The following DGKB variants were observed in gnomAD, a reference collection of about 807,000 sequenced individuals.
DGKB encodes diacylglycerol kinase beta.
DGKB carries 67 observed loss-of-function variants against 114.3 expected under a neutral mutation model. The ratio of observed to expected loss-of-function variants is 0.59; its 90% CI spans 0.48 to 0.72. The LOEUF is 0.72. Ranked by LOEUF, DGKB falls within the 30% of genes least tolerant of loss-of-function variation. The pLI is 0.00. For synonymous variants in DGKB, 398 were observed against 323.1 expected (o/e 1.23, Z -2.49); for missense variants, 907 against 975.2 (o/e 0.93, Z 0.93).
intron 23 of DGKB, among the ~76,000 whole-genome samples, chr7:14,330,938 T>C (rs1585170533): frequency 6.6e-6 from 1 of 151,984 alleles, no homozygotes; most frequent in East Asian, 1.9e-4. Context: ...ATTTTAGAAA[T>C]ATGCCTTATA....
chr7:14,551,324 T>G (rs1795070035), intron 20 of DGKB, among the ~76,000 whole-genome samples: 1 of 152,222 alleles, frequency 6.6e-6, no homozygotes, highest in South Asian at 2.1e-4. Flanking sequence ...GAAGAACTAA[T>G]GTGGATAAGG....
At position 14,689,199 on chromosome 7, in the gene DGKB, A is replaced by ATTTTTTTTTTTTTTTTTTTTTTT. The variant is rs551618345; in HGVS notation, c.712-3860_712-3838dup. On this transcript the variant is annotated intron_variant, in intron 9 of 25. Transcript: ENST00000402815. The stretch of plus-strand genomic sequence containing the variant: ...TGACAATGTGACAGAAACTCCTCTT[A>ATTTTTTTTTTTTTTTTTTTTTTT]TTTTTTTTTTTTTTTTTTTTTTTTT... Among the ~76,000 whole-genome samples the ATTTTTTTTTTTTTTTTTTTTTTT allele has an allele frequency of 3.9e-4, 30 of 76,572 alleles. 6 individuals are homozygous for ATTTTTTTTTTTTTTTTTTTTTTT. Among genetic ancestry groups the ATTTTTTTTTTTTTTTTTTTTTTT allele is most frequent in the Non-Finnish European group, 6.1e-4 (23 of 37,970 alleles). 50.2% of individuals were successfully genotyped at this position (76,572 alleles called of 152,430 possible).
intron 2 of DGKB, among the ~76,000 whole-genome samples, chr7:14,810,108 C>T (rs1843238407): frequency 6.6e-6 from 1 of 152,156 alleles, no homozygotes; most frequent in Non-Finnish European, 1.5e-5. Flanking sequence ...AGAATTCGTG[C>T]ACGTTGCAAA....
chr7:14,893,199 G>T (rs1781565843), intron 1 of DGKB, among the ~76,000 whole-genome samples: 2 of 150,992 alleles, frequency 1.3e-5, no homozygotes, highest in Non-Finnish European at 3.0e-5. Context: ...TTTTGTCTGG[G>T]TTTCACCCCT....
chr7:14,276,896 T>C (rs1317930446), intron 23 of DGKB, among the ~76,000 whole-genome samples: 2 of 152,012 alleles, frequency 1.3e-5, no homozygotes, highest in Non-Finnish European at 2.9e-5. Context: ...TATAATTGTA[T>C]ACGTATATAT....
intron 1 of DGKB, among the ~76,000 whole-genome samples, chr7:14,958,470 C>T (rs1278019382): frequency 6.7e-6 from 1 of 149,540 alleles, no homozygotes; most frequent in Non-Finnish European, 1.5e-5. Context: ...CACACACACA[C>T]ACACACCCCG....
chr7:14,404,533 A>C (rs536643916), intron 21 of DGKB, among the ~76,000 whole-genome samples: 1 of 152,050 alleles, frequency 6.6e-6, no homozygotes, highest in East Asian at 1.9e-4. Flanking sequence ...ATCCCATTTA[A>C]TCCAGTTGCA....
chr7:14,749,213 C>G (rs972392088), intron 4 of DGKB, among the ~76,000 whole-genome samples: 2 of 152,044 alleles, frequency 1.3e-5, no homozygotes, highest in Non-Finnish European at 2.9e-5. Context: ...TATTGCATTT[C>G]TTATGCTTAT....
intron 23 of DGKB, among the ~76,000 whole-genome samples, chr7:14,323,373 T>C (rs116562945): frequency 0.012 from 1,892 of 152,234 alleles, 41 homozygotes; most frequent in African/African-American, 0.043. Flanking sequence ...TCAAAATTCA[T>C]TGACGGTACA....
At chr7:14,676,592 T>G (rs79668326) in intron 12 of DGKB, among the ~76,000 whole-genome samples, 1 of 151,996 alleles carries the variant, frequency 6.6e-6, no homozygotes, top group African/African-American at 2.4e-5. Flanking sequence ...AAAAATTAAA[T>G]AAGTGAATAT....
intron 2 of DGKB, among the ~76,000 whole-genome samples, chr7:14,819,511 G>C (rs1266207095): frequency 6.6e-6 from 1 of 152,070 alleles, no homozygotes; most frequent in Non-Finnish European, 1.5e-5. Flanking sequence ...GATTACTTGA[G>C]CCTGGGAGGC....
Position 14,574,466 on chromosome 7 carries a change from TC to T in DGKB, c.1610-95del. 5 of 1,013,060 alleles carry T rather than the reference TC, an allele frequency of 4.9e-6. No individual in the cohort carries two copies. The South Asian group carries it at 8.3e-5, about 17-fold the overall frequency. 62.8% of individuals were successfully genotyped at this position (1,013,060 alleles called of 1,614,324 possible). The stretch of plus-strand genomic sequence containing the variant: ...CAGTGTGCTTATGCATATGTAATAT[TC>T]TAAAGGTAAATAATGATTTTGAAGC... On this transcript the variant is annotated intron_variant, in intron 19 of 25. Transcript: ENST00000402815.
At chr7:14,841,050 A>T in intron 2 of DGKB, 144 bp downstream of exon 2, 1 of 632,112 alleles carries the variant, frequency 1.6e-6, no homozygotes, top group Non-Finnish European at 2.6e-6. Context: ...AGGTAGTCTC[A>T]AGTCAACCTG....
chr7:14,555,145 A>C (rs181201238), intron 20 of DGKB, among the ~76,000 whole-genome samples: 16 of 152,320 alleles, frequency 1.1e-4, no homozygotes, highest in Admixed American at 2.6e-4. Flanking sequence ...AAGTAGAAAT[A>C]TGAATTTGTT....
chr7:14,206,209 C>A (rs1055494852), intron 23 of DGKB, among the ~76,000 whole-genome samples: 2 of 151,936 alleles, frequency 1.3e-5, no homozygotes, highest in Admixed American at 6.6e-5. Flanking sequence ...AATTAAAACA[C>A]CAGTTGAAAA....
chr7:14,576,317 G>C (rs572283022), intron 19 of DGKB, among the ~76,000 whole-genome samples: 1 of 151,904 alleles, frequency 6.6e-6, no homozygotes, highest in East Asian at 1.9e-4. Flanking sequence ...TTTCTTAATA[G>C]TGCTACCTTA....
At chr7:14,484,384 G>A (rs1052460557) in intron 20 of DGKB, among the ~76,000 whole-genome samples, 10 of 152,220 alleles carry the variant, frequency 6.6e-5, no homozygotes, top group South Asian at 2.1e-4. Flanking sequence ...GTGGGGCCTC[G>A]TGGGAGGAAA....
intron 4 of DGKB, among the ~76,000 whole-genome samples, chr7:14,752,008 C>G (rs1156614878): frequency 6.6e-6 from 1 of 152,084 alleles, no homozygotes; most frequent in Non-Finnish European, 1.5e-5. Context: ...AGAACCTAAC[C>G]CTTTTAACAG....
intron 15 of DGKB, among the ~76,000 whole-genome samples, chr7:14,618,372 G>A (rs1199521791): frequency 1.3e-5 from 2 of 151,440 alleles, no homozygotes; most frequent in Non-Finnish European, 1.5e-5. Context: ...TCTTTCTCGT[G>A]CTAAAAGTGT....
Sources: allele counts gnomAD v4.1 joint callset (sites outside exome capture counted in the v4.1 genomes callset), GRCh38; gene constraint gnomAD v4.1.1; transcripts MANE v1.5; gene names NCBI Gene and HGNC (gene_info 2026-07-23, HGNC 2026-07-21).